Variants in LUZP2 observed in about 807,000 individuals in gnomAD.
LUZP2 encodes the protein leucine zipper protein 2.
Under a neutral mutation model 51.6 loss-of-function variants are expected in LUZP2, and 52 were observed. The observed-to-expected ratio is 1.01, with a 90% CI of 0.81 to 1.27. The LOEUF is 1.27. Ranked by LOEUF, LUZP2 falls within the 50% of genes most tolerant of loss-of-function variation. The probability of loss-of-function intolerance (pLI) is 0.00; values close to 1 mark genes in which losing one functional copy is unlikely to be tolerated. For synonymous variants in LUZP2, 154 were observed against 137.3 expected, an observed-to-expected ratio of 1.12 and a Z score of -0.85; for missense variants, 436 against 395.4, an observed-to-expected ratio of 1.10 and a Z score of -0.87.
At chr11:24,683,030 A>T (rs1856797235) in intron 1 of LUZP2, among the ~76,000 whole-genome samples, 1 of 152,148 alleles carries the variant, frequency 6.6e-6, no homozygotes, top group African/African-American at 2.4e-5. Flanking sequence ...AAAGCCAAAT[A>T]TGTGCTCTCA....
At chr11:25,069,605 T>G (rs894114063) in intron 10 of LUZP2, among the ~76,000 whole-genome samples, 1 of 151,592 alleles carries the variant, frequency 6.6e-6, no homozygotes, top group Non-Finnish European at 1.5e-5. Flanking sequence ...ATACATAAAA[T>G]AGCAGAAAAT....
intron 5 of LUZP2, among the ~76,000 whole-genome samples, chr11:24,795,391 A>G (rs1249951630): frequency 1.3e-5 from 2 of 152,148 alleles, no homozygotes; most frequent in Non-Finnish European, 2.9e-5. Context: ...TGATTCCTAC[A>G]GCATTAAAAC....
At chr11:25,040,003 C>T (rs1198559971) in intron 9 of LUZP2, among the ~76,000 whole-genome samples, 1 of 152,090 alleles carries the variant, frequency 6.6e-6, no homozygotes, top group Non-Finnish European at 1.5e-5. Flanking sequence ...TTGGGAGGAT[C>T]ATGGGTGGAC....
chr11:24,715,414 G>C (rs906676967), intron 1 of LUZP2, among the ~76,000 whole-genome samples: 2 of 151,892 alleles, frequency 1.3e-5, no homozygotes, highest in Non-Finnish European at 2.9e-5. Flanking sequence ...CAAGAGTTTT[G>C]ATAATTTGAA....
intron 5 of LUZP2, among the ~76,000 whole-genome samples, chr11:24,867,229 A>C (rs946468619): frequency 1.3e-5 from 2 of 152,134 alleles, no homozygotes; most frequent in African/African-American, 4.8e-5. Context: ...ACGGTAAGAC[A>C]AGACTCCAGA....
intron 1 of LUZP2, among the ~76,000 whole-genome samples, chr11:24,557,095 TC>T (rs1302902580): frequency 1.3e-5 from 2 of 152,150 alleles, no homozygotes; most frequent in African/African-American, 4.8e-5. Context: ...TCCGGGTATT[TC>T]CATACTATCC....
chr11:24,797,399 C>A (rs2134108045), intron 5 of LUZP2, among the ~76,000 whole-genome samples: 1 of 152,276 alleles, frequency 6.6e-6, no homozygotes, highest in South Asian at 2.1e-4. Flanking sequence ...TTGGCAAACA[C>A]TGTATGAATT....
At chr11:24,839,592 C>G (rs1379836505) in intron 5 of LUZP2, among the ~76,000 whole-genome samples, 1 of 151,692 alleles carries the variant, frequency 6.6e-6, no homozygotes, top group Non-Finnish European at 1.5e-5. Flanking sequence ...TCCTTTGTCA[C>G]TGCTAAATGA....
At chr11:24,943,735 G>A (rs890228529) in intron 7 of LUZP2, among the ~76,000 whole-genome samples, 8 of 151,896 alleles carry the variant, frequency 5.3e-5, no homozygotes, top group African/African-American at 1.9e-4. Context: ...AAAATTAGTT[G>A]GGTGTCGTGG....
intron 5 of LUZP2, among the ~76,000 whole-genome samples, chr11:24,767,972 CT>C (rs35024641): frequency 0.71 from 107,200 of 150,164 alleles, 38,478 homozygotes; most frequent in East Asian, 0.87. Context: ...AGTATCATTT[CT>C]TTTTTTTTTG....
rs548841452 is a variant in LUZP2, at chr11:24,810,183, T to A, written c.396+46875T>A. ...AACTATAGTTGTAAACCTGAGGAAG[T>A]CAAAGAAGAAATGAAATCAGTACAC... On this transcript the variant is annotated intron_variant, in intron 5 of 11. Coordinates refer to ENST00000336930, the MANE Select transcript of LUZP2 (RefSeq NM_001009909.4). Among the ~76,000 whole-genome samples the A allele has an allele frequency of 5.9e-5, 9 of 152,156 alleles. No homozygotes were observed. In the South Asian group the frequency reaches 1.9e-3, roughly 31 times the overall value.
chr11:24,589,343 T>A (rs1199928338), intron 1 of LUZP2, among the ~76,000 whole-genome samples: 1 of 152,126 alleles, frequency 6.6e-6, no homozygotes, highest in East Asian at 1.9e-4. Context: ...TGAGAATAAG[T>A]GATATGATGT....
rs1850461469 is a variant in LUZP2 at position 24,824,384 on chromosome 11, A to T, written c.396+61076A>T. ...CCCATCTCAAAAAAAAAAAAAAAAAAAAAAAAAAATGAGTGGTACCATTTA... is the reference window on the plus strand; with the variant it reads ...CCCATCTCAAAAAAAAAAAAAAAAATAAAAAAAAATGAGTGGTACCATTTA... On this transcript the variant is annotated intron_variant, in intron 5 of 11. Coordinates refer to ENST00000336930, the MANE Select transcript of LUZP2 (RefSeq NM_001009909.4). Among the ~76,000 whole-genome samples the T allele has an allele frequency of 1.3e-5, 2 of 148,206 alleles. 1 individual carries two copies. The highest frequency in any genetic ancestry group is 4.9e-5 in the African/African-American group (2 of 40,730).
Position 25,064,176 on chromosome 11 carries a change from C to A in LUZP2, c.859-13153C>A, listed in dbSNP as rs190753129. Among the ~76,000 whole-genome samples, 107 of 146,500 alleles carry A rather than the reference C, an allele frequency of 7.3e-4. 3 individuals carry two copies. The highest frequency in any genetic ancestry group is 1.8e-3 in the Admixed American group (27 of 14,964). ...GTTTATTTTATTGTTTCTTATCATT[C>A]CACCTGTACTGATTTCCTTGGTGAA... On this transcript the variant is annotated intron_variant, in intron 10 of 11. Coordinates refer to ENST00000336930, the MANE Select transcript of LUZP2 (RefSeq NM_001009909.4).
chr11:24,838,436 A>G (rs1189093840), intron 5 of LUZP2, among the ~76,000 whole-genome samples: 1 of 151,592 alleles, frequency 6.6e-6, no homozygotes, highest in Non-Finnish European at 1.5e-5. Flanking sequence ...TGGTACATGG[A>G]AAAGGTCTTC....
intron 1 of LUZP2, among the ~76,000 whole-genome samples, chr11:24,564,451 T>TGA (rs1852152293): frequency 6.6e-6 from 1 of 152,140 alleles, no homozygotes; most frequent in African/African-American, 2.4e-5. Flanking sequence ...CTTGAACTAT[T>TGA]AAGATAATGC....
In LUZP2 at chr11:24,983,135, A is replaced by G. The variant is rs752290240; in HGVS notation, c.607A>G (p.Met203Val). The G allele has an allele frequency of 1.4e-5, 23 of 1,611,270 alleles. No homozygotes were observed. The Middle Eastern group carries it at 6.6e-4, about 46-fold the overall frequency. ...GCCTCTTTTTTTGTAGGAGTCACAG[A>G]TGAAAGCAATGAAAGAGACTGTGCA... The part of the protein sequence containing the change: ...EKAALDRESQ[M>V]KAMKETVQLC... Residue 203 changes from methionine to valine, a missense_variant, in exon 9 of 12, where the codon ATG becomes GTG. Transcript: ENST00000336930.
chr11:24,941,323 C>A (rs1854738924), intron 7 of LUZP2, among the ~76,000 whole-genome samples: 1 of 152,104 alleles, frequency 6.6e-6, no homozygotes, highest in Admixed American at 6.5e-5. Context: ...ATCATGTCAT[C>A]ATTATTTATT....
At chr11:24,620,164 A>G (rs1471623561) in intron 1 of LUZP2, among the ~76,000 whole-genome samples, 2 of 152,218 alleles carry the variant, frequency 1.3e-5, no homozygotes, top group East Asian at 3.8e-4. Context: ...CACAGAAAAC[A>G]GTCAACTGAA....
Sources: allele counts gnomAD v4.1 joint callset (sites outside exome capture counted in the v4.1 genomes callset), GRCh38; gene constraint gnomAD v4.1.1; transcripts MANE v1.5; gene names NCBI Gene and HGNC (gene_info 2026-07-23, HGNC 2026-07-21).